Variants in MAD2L1BP observed in about 807,000 individuals in gnomAD.
The protein encoded by MAD2L1BP is MAD2L1-binding protein.
Under a neutral mutation model 28.4 loss-of-function variants are expected in MAD2L1BP, and 22 were observed. The observed-to-expected ratio is 0.77, with a 90% CI of 0.55 to 1.10. The LOEUF is 1.10. MAD2L1BP is among the 50% of genes least tolerant of loss of function. MAD2L1BP has a pLI of 0.00. For synonymous variants in MAD2L1BP, 146 were observed against 133.7 expected, an observed-to-expected ratio of 1.09 and a Z score of -0.63; for missense variants, 325 against 350.5, an observed-to-expected ratio of 0.93 and a Z score of 0.58.
At chr6:43,634,108 C>T (rs1259289607), upstream of MAD2L1BP, among the ~76,000 whole-genome samples, 2 of 151,990 alleles carry the variant, frequency 1.3e-5, no homozygotes, top group East Asian at 3.9e-4. Context: ...ATGTCAAATT[C>T]AATCTGTGAA....
Position 43,636,476 on chromosome 6 carries a change from G to A in MAD2L1BP, c.142G>A (p.Ala48Thr). The A allele has an allele frequency of 6.2e-7, 1 of 1,614,174 alleles. No individual in the cohort carries two copies. The highest frequency in any genetic ancestry group is 1.1e-5 in the South Asian group (1 of 91,088). ...GCAGGAACCTCTCAACGCTTCGGAG[G>A]CCTTTTGCCCAAGAGACTGCATGGT... ...STQEPLNASE[A>T]FCPRDCMVPV... Residue 48 changes from alanine to threonine, a missense_variant, in exon 2 of 3, where the codon GCC (alanine) becomes ACC (threonine). Ala to Thr is a moderately conservative substitution (Grantham distance 58, BLOSUM62 0). Coordinates refer to ENST00000372171, the MANE Select transcript of MAD2L1BP (RefSeq NM_014628.3).
intron 2 of MAD2L1BP, 66 bp downstream of exon 2, chr6:43,636,712 G>A (rs1483833172): frequency 2.5e-5 from 39 of 1,552,146 alleles, no homozygotes; most frequent in Non-Finnish European, 3.3e-5. Context: ...GAGGCAGGTA[G>A]AAAGGGGGTC....
intron 2 of MAD2L1BP, among the ~76,000 whole-genome samples, chr6:43,639,023 A>G (rs1770419152): frequency 6.6e-6 from 1 of 152,118 alleles, no homozygotes; most frequent in African/African-American, 2.4e-5. Context: ...TGGTGCCTGT[A>G]TCACCACTTC....
chr6:43,629,904 T>A, intron 1 of MAD2L1BP: 1 of 1,167,974 alleles, frequency 8.6e-7, no homozygotes, highest in South Asian at 1.6e-5. Flanking sequence ...CAGGGGCTGG[T>A]TTTAATAACC....
At chr6:43,630,700 G>A (rs1337519483) in intron 1 of MAD2L1BP, among the ~76,000 whole-genome samples, 2 of 150,284 alleles carry the variant, frequency 1.3e-5, no homozygotes, top group East Asian at 3.9e-4. Context: ...CCGAGATCAC[G>A]CCATTGCACT....
intron 1 of MAD2L1BP, 117 bp from the exon 2 acceptor site, chr6:43,636,264 G>C: frequency 1.1e-6 from 1 of 947,858 alleles, no homozygotes; most frequent in Non-Finnish European, 1.6e-6. Context: ...GGATATGGGC[G>C]TATGTCGGAG....
upstream of MAD2L1BP, among the ~76,000 whole-genome samples, chr6:43,632,127 C>T (rs1046443025): frequency 6.6e-6 from 1 of 151,396 alleles, no homozygotes; most frequent in Non-Finnish European, 1.5e-5. Flanking sequence ...CTCGAACTCC[C>T]AACCTCAGTT....
intron 2 of MAD2L1BP, among the ~76,000 whole-genome samples, chr6:43,638,178 G>A (rs927457799): frequency 1.3e-5 from 2 of 151,746 alleles, no homozygotes; most frequent in South Asian, 2.1e-4. Context: ...GATTACAGGC[G>A]TGAGCCACTG....
Position 43,640,567 on chromosome 6 carries a change from T to C in MAD2L1BP, c.*34T>C. On this transcript the variant is annotated 3_prime_UTR_variant, in exon 3 of 3. Coordinates refer to ENST00000372171, the MANE Select transcript of MAD2L1BP (RefSeq NM_014628.3). ...TTCTTAATCCTAAAAACACAATGGCTGAATTATCTTTCTCCATGTGGCGCT... is the reference window on the plus strand; with the variant it reads ...TTCTTAATCCTAAAAACACAATGGCCGAATTATCTTTCTCCATGTGGCGCT... The C allele has an allele frequency of 6.6e-7, 1 of 1,526,120 alleles. No individual in the cohort carries two copies. Among genetic ancestry groups the C allele is most frequent in the Non-Finnish European group, 8.8e-7 (1 of 1,136,154 alleles). 94.5% of individuals were successfully genotyped at this position (1,526,120 alleles called of 1,614,324 possible). A position where few individuals can be genotyped will look rare whatever the true frequency, so the allele number is the denominator to read the frequency against.
chr6:43,637,929 G>A (rs1770336214), intron 2 of MAD2L1BP, among the ~76,000 whole-genome samples: 1 of 147,766 alleles, frequency 6.8e-6, no homozygotes, highest in Non-Finnish European at 1.5e-5. Flanking sequence ...AAGGAGTCTC[G>A]CTCTTGTGTG....
At chr6:43,639,907 G>A in intron 2 of MAD2L1BP, 114 bp from the exon 3 acceptor site, 1 of 830,526 alleles carries the variant, frequency 1.2e-6, no homozygotes, top group Non-Finnish European at 1.7e-6. Context: ...GCGGTTCATT[G>A]AGCTAGAAAT....
rs879815656 is a variant in MAD2L1BP at position 43,636,390 on chromosome 6, G to A, written c.56G>A (p.Trp19Ter). 1 of 1,614,070 alleles carries A rather than the reference G, an allele frequency of 6.2e-7. No homozygotes were observed. The highest frequency in any genetic ancestry group is 8.5e-7 in the Non-Finnish European group (1 of 1,179,992). Residue 19 changes from tryptophan to a stop codon, truncating the protein, a stop_gained, in exon 2 of 3, where the codon TGG becomes TAG. Transcript: ENST00000372171. LOFTEE classifies it high-confidence loss of function. ...LSSAAVPDLE[W>*]YEKSEETHAS... Reference sequence around the variant, plus strand: ...TCTTTTCATCTACCAGATTTGGAGTGGTATGAGAAGTCCGAAGAAACTCAC... The same window carrying A: ...TCTTTTCATCTACCAGATTTGGAGTAGTATGAGAAGTCCGAAGAAACTCAC...
chr6:43,630,908 C>CAAAAA (rs753239311), upstream of MAD2L1BP, among the ~76,000 whole-genome samples: 113 of 53,346 alleles, frequency 2.1e-3, 3 homozygotes, highest in Middle Eastern at 9.1e-3. Context: ...GACTTCGTCT[C>CAAAAA]AAAAAAAAAA....
chr6:43,635,495 C>T (rs3757270), upstream of MAD2L1BP, among the ~76,000 whole-genome samples: 29 of 152,362 alleles, frequency 1.9e-4, no homozygotes, highest in East Asian at 5.6e-3. Context: ...AGGCAGTGAA[C>T]CCCTTGAGCA....
At position 43,635,875 on chromosome 6, in the gene MAD2L1BP, G is replaced by C; in HGVS notation, c.-1G>C. ...CAAGGAGTAGCGGAGGGGAGGTCGT[G>C]ATGGCGGCGCCGGAGGCGGAGGTTC... On this transcript the variant is annotated 5_prime_UTR_variant, in exon 1 of 3. Coordinates refer to ENST00000372171, the MANE Select transcript of MAD2L1BP (RefSeq NM_014628.3). The C allele has an allele frequency of 6.8e-7, 1 of 1,480,076 alleles. No individual in the cohort carries two copies. The highest frequency in any genetic ancestry group is 8.9e-7 in the Non-Finnish European group (1 of 1,122,100). The allele number at this position is 1,480,076 out of a possible 1,614,324, so 91.7% of individuals were successfully genotyped here. A position where few individuals can be genotyped will look rare whatever the true frequency, so the allele number is the denominator to read the frequency against.
chr6:43,636,615 T>C lies in MAD2L1BP; in HGVS notation c.281T>C (p.Leu94Pro). The C allele has an allele frequency of 6.2e-7, 1 of 1,613,576 alleles. No homozygotes were observed. The highest frequency in any genetic ancestry group is 8.5e-7 in the Non-Finnish European group (1 of 1,179,490). ...CAGCTCCCTCTGCCCTATGAACAGC[T>C]TAAGCACTTTTACCGAAAACCTTCT... is the stretch of plus-strand genomic sequence containing the variant. ...RQQLPLPYEQ[L>P]KHFYRKPSPQ... Residue 94 changes from leucine to proline, a missense_variant, in exon 2 of 3, where the codon CTT becomes CCT. Transcript: ENST00000372171.
At chr6:43,636,014 C>A in intron 1 of MAD2L1BP, 93 bp downstream of exon 1, 1 of 1,280,126 alleles carries the variant, frequency 7.8e-7, no homozygotes, top group Non-Finnish European at 1.1e-6. Flanking sequence ...GGTCCTCTCC[C>A]TAGCCCGTCT....
At chr6:43,636,894 T>C (rs1413848029) in intron 2 of MAD2L1BP, 5 of 504,714 alleles carry the variant, frequency 9.9e-6, no homozygotes, top group Non-Finnish European at 1.8e-5. Context: ...TTTTTTTCTT[T>C]TGAGACAGAG....
At chr6:43,632,565 A>G (rs1221024664), upstream of MAD2L1BP, among the ~76,000 whole-genome samples, 1 of 151,676 alleles carries the variant, frequency 6.6e-6, no homozygotes, top group Non-Finnish European at 1.5e-5. Flanking sequence ...AGCCAGATCC[A>G]GTATTTTAAT....
Sources: gnomAD v4.1 joint callset for allele counts (sites outside exome capture counted in the v4.1 genomes callset) on GRCh38, gnomAD v4.1.1 for gene constraint, MANE v1.5 for transcripts, NCBI Gene and HGNC (gene_info 2026-07-23, HGNC 2026-07-21) for gene names.